Variants in XPO4 observed in about 807,000 individuals in gnomAD.
XPO4 encodes the protein exportin 4, also known as exportin-4.
Under a neutral mutation model 143.0 loss-of-function variants are expected in XPO4, and 39 were observed. The observed-to-expected ratio is 0.27, with a 90% confidence interval of 0.21 to 0.36. The LOEUF (loss-of-function observed/expected upper bound fraction) is 0.36. Ranked by LOEUF, XPO4 falls within the 10% of genes least tolerant of loss-of-function variation. The pLI, the probability that XPO4 is intolerant of heterozygous loss-of-function variation, is 1.00. For synonymous variants in XPO4, 439 were observed against 474.0 expected (o/e 0.93, Z 0.96); for missense variants, 907 against 1,348.0 (o/e 0.67, Z 5.12).
intron 3 of XPO4, among the ~76,000 whole-genome samples, chr13:20,858,865 C>T (rs927031227): frequency 6.7e-5 from 10 of 149,304 alleles, no homozygotes; most frequent in African/African-American, 2.2e-4. Flanking sequence ...AGCAAGACTT[C>T]GTCTCAAGAA....
At chr13:20,880,156 G>A (rs192419710) in intron 1 of XPO4, among the ~76,000 whole-genome samples, 116 of 152,306 alleles carry the variant, frequency 7.6e-4, no homozygotes, top group African/African-American at 2.8e-3. Flanking sequence ...AGCCACAGAC[G>A]GGCGCGGTGG....
Position 20,778,060 on chromosome 13 carries a change from G to C in XPO4, c.*5662C>G, listed in dbSNP as rs2059103759. On this transcript the variant is annotated 3_prime_UTR_variant, in exon 23 of 23. Coordinates refer to ENST00000255305, the MANE Select transcript of XPO4 (RefSeq NM_022459.5). ...AACTGTTTTATAATCTAATCAGCCTGTCAAAGGCATCACTCATAAGCAACC... is the reference window on the plus strand; with the variant it reads ...AACTGTTTTATAATCTAATCAGCCTCTCAAAGGCATCACTCATAAGCAACC... The C allele has an allele frequency of 6.6e-6, 1 of 152,210 alleles. No homozygotes were observed. Among genetic ancestry groups the C allele is most frequent in the Non-Finnish European group, 1.5e-5 (1 of 68,032 alleles). The allele number at this position is 152,210 out of a possible 1,614,324, so 9.4% of individuals were successfully genotyped here. A position where few individuals can be genotyped will look rare whatever the true frequency, so the allele number is the denominator to read the frequency against.
intron 6 of XPO4, among the ~76,000 whole-genome samples, chr13:20,838,136 T>C (rs981339969): frequency 1.3e-5 from 2 of 152,130 alleles, no homozygotes; most frequent in Non-Finnish European, 2.9e-5. Flanking sequence ...CTAAGAACAC[T>C]GTAATACAAG....
Position 20,796,867 on chromosome 13 carries a change from C to T in XPO4, c.2513G>A (p.Cys838Tyr), listed in dbSNP as rs1275360902. 1 of 1,614,010 alleles carries T rather than the reference C, an allele frequency of 6.2e-7. No individual in the cohort carries two copies. The highest frequency in any genetic ancestry group is 8.5e-7 in the Non-Finnish European group (1 of 1,179,976). The change falls in exon 17 of 23, where the codon TGC becomes TAC. Residue 838 changes from cysteine to tyrosine, a missense_variant. By Grantham distance (194) the Cys-to-Tyr change is radical. Coordinates refer to ENST00000255305, the MANE Select transcript of XPO4 (RefSeq NM_022459.5). ...FNFLMDFLTN[C>Y]IGLMEVYKNT... Reference sequence around the variant, plus strand: ...CTTGTAAACTTCCATCAATCCAATGCAATTGGTAAGGAAGTCCATTAAAAA... The same window carrying T: ...CTTGTAAACTTCCATCAATCCAATGTAATTGGTAAGGAAGTCCATTAAAAA...
intron 1 of XPO4, among the ~76,000 whole-genome samples, chr13:20,899,034 A>G (rs1380133506): frequency 6.6e-6 from 1 of 152,104 alleles, no homozygotes; most frequent in Non-Finnish European, 1.5e-5. Flanking sequence ...TACCCATTCA[A>G]GGCTGCAGTG....
At chr13:20,860,404 T>A (rs1268167469) in intron 3 of XPO4, among the ~76,000 whole-genome samples, 1 of 152,234 alleles carries the variant, frequency 6.6e-6, no homozygotes, top group African/African-American at 2.4e-5. Flanking sequence ...ACTATCATAA[T>A]TGATTTCAAA....
chr13:20,860,239 C>T (rs1002597036), intron 3 of XPO4, among the ~76,000 whole-genome samples: 5 of 152,184 alleles, frequency 3.3e-5, no homozygotes, highest in African/African-American at 4.8e-5. Context: ...CTTCAGAAAA[C>T]GCTAACATTT....
At chr13:20,898,222 C>T (rs1040730411) in intron 1 of XPO4, among the ~76,000 whole-genome samples, 3 of 152,196 alleles carry the variant, frequency 2.0e-5, no homozygotes, top group African/African-American at 7.2e-5. Context: ...TCATGAATCT[C>T]GTTTATTAAA....
At chr13:20,823,179 C>G (rs978815518) in intron 7 of XPO4, among the ~76,000 whole-genome samples, 37 of 152,230 alleles carry the variant, frequency 2.4e-4, no homozygotes, top group Admixed American at 1.8e-3. Context: ...ACTTAACTAG[C>G]CCTTTTCTTT....
chr13:20,799,124 G>C, intron 16 of XPO4, 41 bp downstream of exon 16: 1 of 1,522,294 alleles, frequency 6.6e-7, no homozygotes. Context: ...GAACTACAGA[G>C]TTACACAAAA....
intron 1 of XPO4, among the ~76,000 whole-genome samples, chr13:20,891,787 C>T (rs1383815109): frequency 6.7e-6 from 1 of 149,898 alleles, no homozygotes; most frequent in Non-Finnish European, 1.5e-5. Context: ...TGCTTGAACC[C>T]GGGAGGTGAA....
chr13:20,889,772 T>C (rs1339470582), intron 1 of XPO4, among the ~76,000 whole-genome samples: 3 of 152,162 alleles, frequency 2.0e-5, no homozygotes, highest in Non-Finnish European at 4.4e-5. Flanking sequence ...TGTGATATCA[T>C]TCTTTCATCT....
chr13:20,789,144 C>T (rs1246653079), intron 19 of XPO4, among the ~76,000 whole-genome samples: 4 of 152,152 alleles, frequency 2.6e-5, no homozygotes, highest in African/African-American at 9.7e-5. Flanking sequence ...AAGAAAAATA[C>T]ACACTTAAAT....
chr13:20,890,734 G>A (rs1318516171), intron 1 of XPO4, among the ~76,000 whole-genome samples: 3 of 150,424 alleles, frequency 2.0e-5, no homozygotes, highest in Admixed American at 6.6e-5. Context: ...GGGAGGCAGA[G>A]GATGGCGTGA....
intron 4 of XPO4, among the ~76,000 whole-genome samples, chr13:20,854,860 T>C (rs978572716): frequency 1.4e-4 from 21 of 152,084 alleles, no homozygotes; most frequent in Non-Finnish European, 2.9e-4. Flanking sequence ...AACCCCTAAT[T>C]TGTTCAGTTG....
At position 20,821,790 on chromosome 13, in the gene XPO4, T is replaced by C; in HGVS notation, c.1087A>G (p.Ile363Val). 4.3e-6 allele frequency: 7 copies of C among 1,614,120 alleles called. No homozygotes were observed. The highest frequency in any genetic ancestry group is 5.1e-6 in the Non-Finnish European group (6 of 1,179,978). ...TVFPRNVLTAIPSELFSSFVN... is the reference protein window; with the variant it reads ...TVFPRNVLTAVPSELFSSFVN... ...AAGGAGGAGAAAAGTTCACTTGGAATGGCAGTTAAAACATTTCGTGGGAAC... is the reference window on the plus strand; with the variant it reads ...AAGGAGGAGAAAAGTTCACTTGGAACGGCAGTTAAAACATTTCGTGGGAAC... The change falls in exon 9 of 23, where the codon ATT becomes GTT. Residue 363 changes from isoleucine to valine, a missense_variant. By Grantham distance (29) the Ile-to-Val change is conservative. Coordinates refer to ENST00000255305, the MANE Select transcript of XPO4 (RefSeq NM_022459.5).
At chr13:20,790,330 A>T in intron 19 of XPO4, 132 bp downstream of exon 19, 1 of 721,934 alleles carries the variant, frequency 1.4e-6, no homozygotes, top group Non-Finnish European at 2.4e-6. Flanking sequence ...TAATGAAAAT[A>T]CAAAAATTGT....
chr13:20,881,574 AT>A (rs1342694004), intron 1 of XPO4, among the ~76,000 whole-genome samples: 1 of 151,922 alleles, frequency 6.6e-6, no homozygotes, highest in Non-Finnish European at 1.5e-5. Flanking sequence ...CCAGCCAATA[AT>A]TTTTTTTAAA....
At chr13:20,801,127 C>T in intron 13 of XPO4, 137 bp from the exon 14 acceptor site, 1 of 959,912 alleles carries the variant, frequency 1.0e-6, no homozygotes, top group South Asian at 1.6e-5. Context: ...ATTTCATCTA[C>T]AGAGTTTTAG....
Sources: gnomAD v4.1 joint callset for allele counts (sites outside exome capture counted in the v4.1 genomes callset) on GRCh38, gnomAD v4.1.1 for gene constraint, MANE v1.5 for transcripts, NCBI Gene and HGNC (gene_info 2026-07-23, HGNC 2026-07-21) for gene names.